The following ANKS1B variants were observed in gnomAD, a reference collection of about 807,000 sequenced individuals.
ANKS1B encodes ankyrin repeat and sterile alpha motif domain containing 1B, also known as ankyrin repeat and sterile alpha motif domain-containing protein 1B.
A neutral mutation model predicts 148.3 loss-of-function variants in ANKS1B; 36 were observed. The observed-to-expected ratio is 0.24, with a 90% confidence interval of 0.19 to 0.32. ANKS1B has a LOEUF of 0.32. Among genes scored for constraint, ANKS1B ranks in the 10% least tolerant of loss-of-function variants. The probability of loss-of-function intolerance (pLI) is 1.00; values close to 1 mark genes in which losing one functional copy is unlikely to be tolerated. For synonymous variants in ANKS1B, 542 were observed against 560.8 expected (o/e 0.97, Z 0.47); for missense variants, 1,157 against 1,542.6 (o/e 0.75, Z 4.19).
chr12:99,317,565 T>G (rs2084372954), intron 12 of ANKS1B, among the ~76,000 whole-genome samples: 1 of 152,206 alleles, frequency 6.6e-6, no homozygotes, highest in Admixed American at 6.5e-5. Context: ...GATTTTGGGC[T>G]GAGACAATGG....
At chr12:98,778,207 T>C (rs985433590) in intron 24 of ANKS1B, among the ~76,000 whole-genome samples, 7 of 152,202 alleles carry the variant, frequency 4.6e-5, no homozygotes, top group African/African-American at 1.2e-4. Context: ...CTGGGCGTGG[T>C]GGCTCATGCC....
At chr12:99,056,157 T>G (rs548135836) in intron 16 of ANKS1B, among the ~76,000 whole-genome samples, 1 of 152,198 alleles carries the variant, frequency 6.6e-6, no homozygotes, top group Non-Finnish European at 1.5e-5. Flanking sequence ...CTGATGAATG[T>G]TGTGGAAATG....
chr12:99,482,243 A>G (rs111652325), intron 10 of ANKS1B, among the ~76,000 whole-genome samples: 9 of 152,048 alleles, frequency 5.9e-5, no homozygotes, highest in African/African-American at 1.9e-4. Flanking sequence ...ATTCTTCTAC[A>G]TGTGGCTTGC....
At chr12:99,193,913 T>C (rs2081068910) in intron 14 of ANKS1B, among the ~76,000 whole-genome samples, 2 of 144,338 alleles carry the variant, frequency 1.4e-5, no homozygotes, top group Admixed American at 1.5e-4. Context: ...GCGATTCTCC[T>C]GCCTCAGCCT....
downstream of ANKS1B, among the ~76,000 whole-genome samples, chr12:98,742,755 G>A (rs2097811027): frequency 6.6e-6 from 1 of 152,230 alleles, no homozygotes; most frequent in African/African-American, 2.4e-5. Context: ...GGTTTCTGTG[G>A]GAAGCAGGAC....
chr12:98,857,235 A>G (rs2099576577), intron 17 of ANKS1B, among the ~76,000 whole-genome samples: 1 of 152,254 alleles, frequency 6.6e-6, no homozygotes, highest in Admixed American at 6.5e-5. Flanking sequence ...GAGGTCTTAG[A>G]GGACGCTGTT....
In ANKS1B at chr12:99,526,680, G is replaced by A. The variant is rs542198995; in HGVS notation, c.1273-22039C>T. On this transcript the variant is annotated intron_variant, in intron 9 of 26. Transcript: ENST00000683438. ...TTGGTCAGCCACTTCAAAATTGGAGGTACCAATTTAACATTTGAAAACAAA... is the reference window on the plus strand; with the variant it reads ...TTGGTCAGCCACTTCAAAATTGGAGATACCAATTTAACATTTGAAAACAAA... Among the ~76,000 whole-genome samples, 4 of 152,192 alleles carry A rather than the reference G, an allele frequency of 2.6e-5. No homozygotes were observed. The East Asian group carries it at 7.7e-4, about 29-fold the overall frequency.
intron 14 of ANKS1B, among the ~76,000 whole-genome samples, chr12:99,167,569 G>A (rs984701174): frequency 2.0e-5 from 3 of 152,070 alleles, no homozygotes; most frequent in Non-Finnish European, 4.4e-5. Context: ...CAAATGATGC[G>A]AATTAAGAGA....
At chr12:99,817,072 T>C (rs2069281533) in intron 2 of ANKS1B, among the ~76,000 whole-genome samples, 1 of 151,618 alleles carries the variant, frequency 6.6e-6, no homozygotes, top group Non-Finnish European at 1.5e-5. Context: ...AACTATACAA[T>C]ATTGGTAACT....
intron 1 of ANKS1B, among the ~76,000 whole-genome samples, chr12:99,861,937 G>A (rs192770409): frequency 4.4e-4 from 58 of 133,246 alleles, no homozygotes; most frequent in Admixed American, 3.7e-3. Flanking sequence ...GAATTTTATT[G>A]CATCCCTTTC....
chr12:99,105,179 T>C (rs1327437412), intron 15 of ANKS1B, among the ~76,000 whole-genome samples: 2 of 152,234 alleles, frequency 1.3e-5, no homozygotes, highest in East Asian at 1.9e-4. Flanking sequence ...TTAGTTATTA[T>C]ATTTTTTGAG....
At chr12:99,852,624 G>C (rs898405130) in intron 1 of ANKS1B, among the ~76,000 whole-genome samples, 1 of 152,146 alleles carries the variant, frequency 6.6e-6, no homozygotes, top group Admixed American at 6.5e-5. Context: ...GCTCCCACTC[G>C]GATGTACAGA....
At chr12:99,747,690 T>C (rs772880632) in intron 8 of ANKS1B, among the ~76,000 whole-genome samples, 1 of 152,144 alleles carries the variant, frequency 6.6e-6, no homozygotes, top group South Asian at 2.1e-4. Context: ...AAATAAAACA[T>C]GCAGTCCCAC....
chr12:99,357,316 G>A (rs932869524), intron 12 of ANKS1B, among the ~76,000 whole-genome samples: 3 of 150,882 alleles, frequency 2.0e-5, no homozygotes, highest in East Asian at 1.9e-4. Context: ...TTTTTCTATT[G>A]TTAGGCAACT....
intron 11 of ANKS1B, among the ~76,000 whole-genome samples, chr12:99,429,443 G>A (rs1367493360): frequency 6.6e-6 from 1 of 152,150 alleles, no homozygotes; most frequent in African/African-American, 2.4e-5. Flanking sequence ...TGCTTTTAAA[G>A]TCAAGAAAAG....
chr12:99,316,846 A>G (rs1469118362), intron 12 of ANKS1B, among the ~76,000 whole-genome samples: 1 of 152,164 alleles, frequency 6.6e-6, no homozygotes, highest in East Asian at 1.9e-4. Flanking sequence ...TAATTTTTGT[A>G]TAAGGTGTAA....
intron 14 of ANKS1B, among the ~76,000 whole-genome samples, chr12:99,184,884 T>C (rs746843299): frequency 3.3e-5 from 5 of 152,234 alleles, no homozygotes; most frequent in African/African-American, 4.8e-5. Context: ...TATCACAAGA[T>C]TGCTCTGGTT....
intron 9 of ANKS1B, among the ~76,000 whole-genome samples, chr12:99,561,145 C>T (rs569928317): frequency 7.2e-5 from 11 of 152,174 alleles, no homozygotes; most frequent in African/African-American, 1.4e-4. Context: ...TGCGCCCGGC[C>T]GGCAATTTCT....
At chr12:98,759,412 A>G (rs2098344995) in intron 25 of ANKS1B, among the ~76,000 whole-genome samples, 1 of 152,164 alleles carries the variant, frequency 6.6e-6, no homozygotes, top group Non-Finnish European at 1.5e-5. Flanking sequence ...CATTACATCC[A>G]GAGGAGGCTC....
Sources: gnomAD v4.1 joint callset for allele counts (sites outside exome capture counted in the v4.1 genomes callset) on GRCh38, gnomAD v4.1.1 for gene constraint, MANE v1.5 for transcripts, NCBI Gene and HGNC (gene_info 2026-07-23, HGNC 2026-07-21) for gene names.